YTHDC2: variants seen among roughly 807,000 people sequenced by gnomAD.
YTHDC2 encodes the protein YTH N6-methyladenosine RNA binding protein C2.
YTHDC2 carries 45 observed loss-of-function variants against 174.9 expected under a neutral mutation model. That is an observed-to-expected ratio of 0.26 (90% CI 0.20 to 0.33). YTHDC2 has a LOEUF of 0.33. YTHDC2 is among the 10% of genes least tolerant of loss of function. The pLI, the probability that YTHDC2 is intolerant of heterozygous loss-of-function variation, is 1.00. For synonymous variants in YTHDC2, 657 were observed against 574.5 expected (o/e 1.14, Z -2.05); for missense variants, 1,650 against 1,723.7 (o/e 0.96, Z 0.76).
intron 23 of YTHDC2, among the ~76,000 whole-genome samples, chr5:113,573,600 C>G (rs1042480453): frequency 1.3e-5 from 2 of 152,048 alleles, no homozygotes; most frequent in African/African-American, 4.8e-5. Flanking sequence ...TTTCAGCTAC[C>G]CCAGTCAGTT....
rs915700136 is a variant in YTHDC2 at position 113,513,708 on chromosome 5, C to A, written c.-188C>A. On this transcript the variant is annotated 5_prime_UTR_variant, in exon 1 of 30. Transcript: ENST00000161863. ...ATTACGCCCGCGCTCCTCGCCTGGCCGTGATATCAATGGCGCAGGCTTCAC... is the reference window on the plus strand; with the variant it reads ...ATTACGCCCGCGCTCCTCGCCTGGCAGTGATATCAATGGCGCAGGCTTCAC... 81 of 651,854 alleles carry A rather than the reference C, an allele frequency of 1.2e-4. No homozygotes were observed. In the Middle Eastern group the frequency reaches 1.7e-3, roughly 14 times the overall value. 40.4% of individuals were successfully genotyped at this position (651,854 alleles called of 1,614,324 possible).
In YTHDC2 at chr5:113,592,190, C is replaced by A. The variant is rs776396914; in HGVS notation, c.4212+12C>A. The A allele has an allele frequency of 2.0e-6, 3 of 1,479,804 alleles. No individual in the cohort carries two copies. Among genetic ancestry groups the A allele is most frequent in the Admixed American group, 2.4e-5 (1 of 41,800 alleles). 91.7% of individuals were successfully genotyped at this position (1,479,804 alleles called of 1,614,324 possible). A position where few individuals can be genotyped will look rare whatever the true frequency, so the allele number is the denominator to read the frequency against. ...GCAGGGATGGGCAGGTATACAATGG[C>A]ATTTTTTTTTTTATTTACTTTTGTT... On this transcript the variant is annotated intron_variant, in intron 28 of 29. Transcript: ENST00000161863.
chr5:113,540,375 G>A (rs1238374341), intron 8 of YTHDC2, among the ~76,000 whole-genome samples: 3 of 152,134 alleles, frequency 2.0e-5, no homozygotes, highest in Non-Finnish European at 4.4e-5. Context: ...GTAGGACTTG[G>A]AACAATAGGT....
intron 26 of YTHDC2, among the ~76,000 whole-genome samples, chr5:113,586,447 A>G (rs1446190188): frequency 6.6e-6 from 1 of 151,874 alleles, no homozygotes; most frequent in African/African-American, 2.4e-5. Context: ...ATTTTTTCTA[A>G]CAGTATGTGG....
At chr5:113,526,211 A>G (rs1024608434) in intron 3 of YTHDC2, among the ~76,000 whole-genome samples, 5 of 152,096 alleles carry the variant, frequency 3.3e-5, no homozygotes, top group Admixed American at 2.0e-4. Flanking sequence ...CCATGAAATT[A>G]TTGATAGAAA....
chr5:113,584,573 C>A, intron 26 of YTHDC2, 94 bp downstream of exon 26: 1 of 1,124,384 alleles, frequency 8.9e-7, no homozygotes, highest in East Asian at 2.5e-5. Context: ...GAGTACTTTT[C>A]TAATTGTGGC....
chr5:113,565,637 A>C (rs1025121758), intron 20 of YTHDC2: 1 of 274,116 alleles, frequency 3.6e-6, no homozygotes, highest in African/African-American at 2.2e-5. Flanking sequence ...GAAGGCAAAT[A>C]TTTTTACATT....
intron 10 of YTHDC2, among the ~76,000 whole-genome samples, chr5:113,547,919 A>G (rs1050289206): frequency 2.6e-4 from 40 of 152,202 alleles, no homozygotes; most frequent in Admixed American, 5.9e-4. Flanking sequence ...CTAAGCAATT[A>G]TATTGAATTG....
At chr5:113,585,974 A>G (rs535604663) in intron 26 of YTHDC2, among the ~76,000 whole-genome samples, 11 of 152,160 alleles carry the variant, frequency 7.2e-5, no homozygotes, top group African/African-American at 2.6e-4. Context: ...CTAACATTCA[A>G]GTAAAATCTT....
intron 17 of YTHDC2, 50 bp downstream of exon 17, chr5:113,556,184 G>GT (rs1561668319): frequency 2.0e-6 from 2 of 1,009,174 alleles, no homozygotes; most frequent in Admixed American, 3.8e-5. Context: ...AAATGGAAAC[G>GT]TTTTTATATG....
intron 5 of YTHDC2, among the ~76,000 whole-genome samples, chr5:113,533,380 T>TAA (rs879428787): frequency 6.9e-6 from 1 of 144,242 alleles, no homozygotes; most frequent in Non-Finnish European, 1.5e-5. Flanking sequence ...CTGTCTCTAC[T>TAA]AAAAAAAAAA....
At chr5:113,556,582 A>G (rs1458702306) in intron 17 of YTHDC2, among the ~76,000 whole-genome samples, 2 of 152,220 alleles carry the variant, frequency 1.3e-5, no homozygotes, top group Non-Finnish European at 1.5e-5. Context: ...ATCTAAATAA[A>G]TGCAAATTAA....
chr5:113,516,095 T>A (rs1262816955), intron 2 of YTHDC2, among the ~76,000 whole-genome samples: 1 of 152,220 alleles, frequency 6.6e-6, no homozygotes, highest in African/African-American at 2.4e-5. Flanking sequence ...AAGGTAAATT[T>A]TAAGATGTAA....
intron 8 of YTHDC2, among the ~76,000 whole-genome samples, chr5:113,540,572 G>C (rs1429252713): frequency 1.3e-5 from 2 of 152,176 alleles, no homozygotes; most frequent in African/African-American, 2.4e-5. Flanking sequence ...GCAAGAGAGA[G>C]AAGTGCAAGC....
At chr5:113,540,209 A>T (rs1193096584) in intron 8 of YTHDC2, among the ~76,000 whole-genome samples, 1 of 152,214 alleles carries the variant, frequency 6.6e-6, no homozygotes, top group Non-Finnish European at 1.5e-5. Context: ...TGAAAATTAT[A>T]TATAATTGTA....
Position 113,584,288 on chromosome 5 carries a change from CCTT to C in YTHDC2, c.3648-10_3648-8del, listed in dbSNP as rs1561707064. On this transcript the variant is annotated splice_polypyrimidine_tract_variant and intron_variant, in intron 25 of 29. Transcript: ENST00000161863. ...TATATATAACTGATCTTTGCTTCCT[CCTT>C]CTTGCTCAAGAGTACTGATGAAATC... 4 of 1,599,296 alleles carry C rather than the reference CCTT, an allele frequency of 2.5e-6. No homozygotes were observed. The highest frequency in any genetic ancestry group is 1.7e-5 in the Admixed American group (1 of 57,642).
chr5:113,543,756 T>C (rs1775646041), intron 10 of YTHDC2, among the ~76,000 whole-genome samples: 1 of 152,248 alleles, frequency 6.6e-6, no homozygotes, highest in East Asian at 1.9e-4. Context: ...TCACTGTGCC[T>C]AGACACACTT....
rs764706589 is a variant in YTHDC2 at position 113,553,618 on chromosome 5, T to C, written c.1896T>C (p.Tyr632=). 8 of 1,613,496 alleles carry C rather than the reference T, an allele frequency of 5.0e-6. No individual in the cohort carries two copies. The Admixed American group carries it at 1.3e-4, about 27-fold the overall frequency. Residue 632 remains tyrosine, a synonymous_variant, in exon 14 of 30, where the codon TAT becomes TAC. Transcript: ENST00000161863. ...AGAVLIFLPG[Y]DEIVGLRDRI... ...CAGTACTAATTTTTCTGCCTGGATA[T>C]GACGAAATTGTTGGACTGAGAGATC...
At chr5:113,567,567 A>G (rs985284748) in intron 22 of YTHDC2, 87 bp from the exon 23 acceptor site, 17 of 1,187,826 alleles carry the variant, frequency 1.4e-5, no homozygotes, top group Middle Eastern at 2.3e-4. Context: ...CATCTATTTC[A>G]TTGAGAGACT....
Sources: allele counts gnomAD v4.1 joint callset (sites outside exome capture counted in the v4.1 genomes callset), GRCh38; gene constraint gnomAD v4.1.1; transcripts MANE v1.5; gene names NCBI Gene and HGNC (gene_info 2026-07-23, HGNC 2026-07-21).